Variants in SSBP1 observed in about 807,000 individuals in gnomAD.
The protein encoded by SSBP1 is single stranded DNA binding protein 1, also known as single-stranded DNA-binding protein, mitochondrial.
Under a neutral mutation model 27.0 loss-of-function variants are expected in SSBP1, and 20 were observed. The observed-to-expected ratio is 0.74, with a 90% CI of 0.52 to 1.08. The LOEUF is 1.08. Among genes scored for constraint, SSBP1 ranks in the 50% least tolerant of loss-of-function variants. The pLI, the probability that SSBP1 is intolerant of heterozygous loss-of-function variation, is 0.00. For synonymous variants in SSBP1, 59 were observed against 59.3 expected (o/e 1.00, Z 0.02); for missense variants, 137 against 182.4 (o/e 0.75, Z 1.44).
chr7:141,745,915 A>T, intron 6 of SSBP1: 1 of 1,042,976 alleles, frequency 9.6e-7, no homozygotes, highest in Non-Finnish European at 1.2e-6. Flanking sequence ...CCTAACCAGG[A>T]AGAAGCGTAT....
At chr7:141,744,051 C>A in intron 5 of SSBP1, 62 bp downstream of exon 5, 1 of 1,460,986 alleles carries the variant, frequency 6.8e-7, no homozygotes. Context: ...AAGAAGTGTT[C>A]TCATGGCAAG....
In SSBP1 at chr7:141,739,128, A is replaced by C; in HGVS notation, c.-39A>C. The C allele has an allele frequency of 6.4e-7, 1 of 1,560,910 alleles. No homozygotes were observed. Among genetic ancestry groups the C allele is most frequent in the East Asian group, 2.3e-5 (1 of 44,160 alleles). On this transcript the variant is annotated 5_prime_UTR_variant, in exon 2 of 7. Transcript: ENST00000265304. ...TATTTTGTTTTTTTCCTTCAGGAAA[A>C]GCCTAAAGATTAGACTGTAAGAAAA...
At chr7:141,744,140 T>A in intron 5 of SSBP1, 151 bp downstream of exon 5, 1 of 646,682 alleles carries the variant, frequency 1.5e-6, no homozygotes, top group Non-Finnish European at 2.5e-6. Context: ...TCCTTGATAC[T>A]ATATGCATGG....
chr7:141,748,994 C>G (rs959083692), intron 6 of SSBP1, among the ~76,000 whole-genome samples: 2 of 152,098 alleles, frequency 1.3e-5, no homozygotes, highest in East Asian at 1.9e-4. Flanking sequence ...TTTATAGTTA[C>G]AAGAATCTTT....
chr7:141,744,524 A>G lies in SSBP1; in HGVS notation c.314+535A>G, dbSNP rs531073762. Among the ~76,000 whole-genome samples, 15 of 152,338 alleles carry G rather than the reference A, an allele frequency of 9.8e-5. No homozygotes were observed. In the South Asian group the frequency reaches 2.1e-3, roughly 21 times the overall value. ...CTTGGATTGAGTATGTATAAAAAGT[A>G]TGTTTTCCAAACTCATAGAAGGACA... On this transcript the variant is annotated intron_variant, in intron 5 of 6. Coordinates refer to ENST00000265304, the MANE Select transcript of SSBP1 (RefSeq NM_003143.3).
intron 2 of SSBP1, chr7:141,741,024 G>C (rs1271268535): frequency 6.6e-6 from 1 of 152,198 alleles, no homozygotes; most frequent in Admixed American, 6.5e-5. Context: ...TCATTCATGT[G>C]ATTAGTTTTA....
chr7:141,745,740 T>C, intron 6 of SSBP1, 156 bp downstream of exon 6: 3 of 1,373,024 alleles, frequency 2.2e-6, no homozygotes, highest in Non-Finnish European at 1.9e-6. Context: ...CTCTACTTGC[T>C]AAGAGTTTGT....
intron 3 of SSBP1, 59 bp downstream of exon 3, chr7:141,742,288 G>T (rs1051266780): frequency 7.4e-7 from 1 of 1,351,316 alleles, no homozygotes. Flanking sequence ...AATCTCAAAT[G>T]TGTTGTAGAA....
intron 5 of SSBP1, 72 bp downstream of exon 5, chr7:141,744,061 G>C: frequency 1.5e-6 from 2 of 1,346,600 alleles, no homozygotes; most frequent in Non-Finnish European, 2.1e-6. Flanking sequence ...CTCATGGCAA[G>C]GAGTGTGTAG....
chr7:141,742,823 A>G (rs1310613745), intron 3 of SSBP1, among the ~76,000 whole-genome samples: 1 of 152,126 alleles, frequency 6.6e-6, no homozygotes, highest in African/African-American at 2.4e-5. Context: ...TATTTATAGC[A>G]TTTCTTCTGG....
chr7:141,741,146 A>G (rs1026578755), intron 2 of SSBP1: 1 of 152,184 alleles, frequency 6.6e-6, no homozygotes, highest in Admixed American at 6.5e-5. Flanking sequence ...TCCATGGAGG[A>G]GGGGGGTGCC....
In SSBP1 at chr7:141,742,211, A is replaced by C; in HGVS notation, c.67A>C (p.Ser23Arg). Residue 23 changes from serine to arginine, a missense_variant, in exon 3 of 7, where the codon AGT becomes CGT. Physicochemically the swap from Ser to Arg is moderately radical, Grantham distance 110. This residue lies in a region of SSBP1 where 42 missense variants were observed against 30.4 expected (regional missense o/e 1.38). Transcript: ENST00000265304. The part of the protein sequence containing the change: ...FVRHESETTT[S>R]LVLERSLNRV... ...AAGACATGAGTCCGAAACAACTACC[A>C]GTTTGGTTCTTGAAAGATGTAAGTA... The C allele has an allele frequency of 6.2e-7, 1 of 1,604,958 alleles. No individual in the cohort carries two copies.
intron 1 of SSBP1, chr7:141,738,750 A>G (rs1368945168): frequency 1.2e-5 from 2 of 160,562 alleles, no homozygotes; most frequent in Non-Finnish European, 2.7e-5. Context: ...AGGCCTTACT[A>G]TGCATTAAGA....
Position 141,747,276 on chromosome 7 carries a change from G to A in SSBP1, c.403+1692G>A, listed in dbSNP as rs138861591. ...TTTTGTGCTTTTGTTTGCTTTTATG[G>A]ACATAAATACTAAGAAAGCTTTTTA... On this transcript the variant is annotated intron_variant, in intron 6 of 6. Transcript: ENST00000265304. Among the ~76,000 whole-genome samples, 531 of 151,656 alleles carry A rather than the reference G, an allele frequency of 3.5e-3. 7 individuals are homozygous for A. Among genetic ancestry groups the A allele is most frequent in the East Asian group, 0.024 (126 of 5,168 alleles).
At chr7:141,750,227 A>T (rs1476812516) in intron 6 of SSBP1, 84 bp from the exon 7 acceptor site, 27 of 985,232 alleles carry the variant, frequency 2.7e-5, no homozygotes, top group Non-Finnish European at 3.8e-5. Flanking sequence ...AACAGCACTA[A>T]AGTTATATGT....
intron 6 of SSBP1, among the ~76,000 whole-genome samples, chr7:141,746,694 C>T (rs1006410409): frequency 3.9e-5 from 6 of 151,974 alleles, no homozygotes; most frequent in Admixed American, 2.0e-4. Context: ...AAGATGTACA[C>T]GTAAAGGTTA....
At chr7:141,748,254 C>G (rs1377123244) in intron 6 of SSBP1, among the ~76,000 whole-genome samples, 1 of 152,006 alleles carries the variant, frequency 6.6e-6, no homozygotes. Flanking sequence ...AACTACCGTG[C>G]TATTATCACA....
intron 5 of SSBP1, 150 bp from the exon 6 acceptor site, chr7:141,745,346 C>A: frequency 1.8e-6 from 1 of 541,728 alleles, no homozygotes; most frequent in Non-Finnish European, 3.1e-6. Flanking sequence ...TTCAGTACTC[C>A]TAATCCTGAA....
At chr7:141,745,435 C>T in intron 5 of SSBP1, 61 bp from the exon 6 acceptor site, 1 of 1,423,182 alleles carries the variant, frequency 7.0e-7, no homozygotes, top group East Asian at 2.3e-5. Context: ...ACCACCCTGA[C>T]CTGACTCTTA....
Sources: gnomAD v4.1 joint callset for allele counts (sites outside exome capture counted in the v4.1 genomes callset) on GRCh38, gnomAD v4.1.1 for gene constraint, gnomAD v4.1.1 regional missense constraint, MANE v1.5 for transcripts, NCBI Gene and HGNC (gene_info 2026-07-23, HGNC 2026-07-21) for gene names.